The following YEATS2 variants were observed in gnomAD, a reference collection of about 807,000 sequenced individuals.
The protein encoded by YEATS2 is YEATS domain containing 2.
In YEATS2, 77 loss-of-function variants were observed where a neutral mutation model predicts 163.2. That is an observed-to-expected ratio of 0.47 (90% CI 0.39 to 0.57). The LOEUF (loss-of-function observed/expected upper bound fraction) is 0.57. Among genes scored for constraint, YEATS2 ranks in the 20% least tolerant of loss-of-function variants. YEATS2 has a pLI of 0.00. For synonymous variants in YEATS2, 631 were observed against 645.1 expected, an observed-to-expected ratio of 0.98 and a Z score of 0.33; for missense variants, 1,549 against 1,729.8, an observed-to-expected ratio of 0.90 and a Z score of 1.85.
intron 4 of YEATS2, among the ~76,000 whole-genome samples, chr3:183,720,832 C>T (rs896672331): frequency 2.6e-5 from 4 of 152,138 alleles, no homozygotes; most frequent in African/African-American, 9.7e-5. Context: ...AGAATCTTTC[C>T]TTGCCTCTTC....
Position 183,722,132 on chromosome 3 carries a change from G to GA in YEATS2, c.535dup (p.Arg179LysfsTer5). On this transcript the variant is annotated frameshift_variant, in exon 5 of 31. Coordinates refer to ENST00000305135, the MANE Select transcript of YEATS2 (RefSeq NM_018023.5). LOFTEE classifies it high-confidence loss of function. The stretch of plus-strand genomic sequence containing the variant: ...GAGCAGAGACCAAGCCGAAATACTG[G>GA]AAGGGTATATAGATGGGTGGATGTG... 1 of 1,613,822 alleles carries GA rather than the reference G, an allele frequency of 6.2e-7. No individual in the cohort carries two copies. The highest frequency in any genetic ancestry group is 8.5e-7 in the Non-Finnish European group (1 of 1,179,958).
In YEATS2 at chr3:183,776,103, A is replaced by G; in HGVS notation, c.2557A>G (p.Ile853Val). ...ISQHLTYTSY[I>V]LKQTPQGTFL... is the part of the protein sequence containing the mutation. ...TCAGCACCTGACTTACACATCTTACATCCTCAAGCAAACTCCCCAGGTCTG... is the reference window on the plus strand; with the variant it reads ...TCAGCACCTGACTTACACATCTTACGTCCTCAAGCAAACTCCCCAGGTCTG... Residue 853 changes from isoleucine (I) to valine (V), a missense_variant, in exon 18 of 31, where the codon ATC becomes GTC. Physicochemically the swap from Ile to Val is conservative, Grantham distance 29 (BLOSUM62 3). Transcript: ENST00000305135. 1 of 1,587,518 alleles carries G rather than the reference A, an allele frequency of 6.3e-7. No individual in the cohort carries two copies. The highest frequency in any genetic ancestry group is 8.6e-7 in the Non-Finnish European group (1 of 1,167,278).
intron 9 of YEATS2, among the ~76,000 whole-genome samples, chr3:183,748,891 G>A (rs375437277): frequency 1.3e-5 from 2 of 151,958 alleles, no homozygotes; most frequent in African/African-American, 4.8e-5. Flanking sequence ...GAGTCACTGC[G>A]CCCAGCCTTG....
At chr3:183,699,641 G>C (rs1043583834) in intron 1 of YEATS2, among the ~76,000 whole-genome samples, 7 of 151,408 alleles carry the variant, frequency 4.6e-5, no homozygotes, top group Non-Finnish European at 1.0e-4. Flanking sequence ...GTGTGGAGAA[G>C]TGAAAAGGGC....
chr3:183,773,720 G>T lies in YEATS2; in HGVS notation c.2294G>T (p.Ser765Ile). 1 of 1,613,580 alleles carries T rather than the reference G, an allele frequency of 6.2e-7. No homozygotes were observed. Among genetic ancestry groups the T allele is most frequent in the Non-Finnish European group, 8.5e-7 (1 of 1,179,836 alleles). Residue 765 changes from serine (S) to isoleucine (I), a missense_variant, in exon 17 of 31, where the codon AGC becomes ATC. Transcript: ENST00000305135. ...ACTAAACTCTACCTAACTACAAACA[G>T]CAAGAACCCTTCAGGAAAAGGAAAA... ...PGTKLYLTTN[S>I]KNPSGKGKLL... is the part of the protein sequence containing the mutation.
At chr3:183,793,131 C>CT in intron 21 of YEATS2, 1 of 1,289,100 alleles carries the variant, frequency 7.8e-7, no homozygotes. Context: ...TACCAGCCAG[C>CT]ATACGGCTGG....
chr3:183,804,132 T>C lies in YEATS2; in HGVS notation c.3728T>C (p.Leu1243Pro). 2 of 1,614,016 alleles carry C rather than the reference T, an allele frequency of 1.2e-6. No individual in the cohort carries two copies. Among genetic ancestry groups the C allele is most frequent in the Non-Finnish European group, 1.7e-6 (2 of 1,179,998 alleles). ...HGYTPPDPES[L>P]RNDGDSIEDV... ...TACACCCCACCGGACCCTGAGAGCC[T>C]GAGGAATGACGGGGACTCCATCGAG... The change falls in exon 27 of 31, where the codon CTG becomes CCG. Residue 1243 changes from leucine to proline, a missense_variant. By Grantham distance (98) the Leu-to-Pro change is moderately conservative. Coordinates refer to ENST00000305135, the MANE Select transcript of YEATS2 (RefSeq NM_018023.5).
chr3:183,750,480 A>G (rs1720047807), intron 9 of YEATS2, among the ~76,000 whole-genome samples: 1 of 152,140 alleles, frequency 6.6e-6, no homozygotes, highest in Non-Finnish European at 1.5e-5. Context: ...TGGTAATTCT[A>G]TTTTTAGAGG....
At chr3:183,729,199 G>A (rs1299230337) in intron 7 of YEATS2, among the ~76,000 whole-genome samples, 1 of 151,802 alleles carries the variant, frequency 6.6e-6, no homozygotes, top group East Asian at 1.9e-4. Flanking sequence ...GTGAACCAGG[G>A]AGGCGGAGCT....
intron 25 of YEATS2, 174 bp from the exon 26 acceptor site, chr3:183,803,082 A>G (rs2289450): frequency 0.027 from 17,452 of 645,048 alleles, 1,067 homozygotes; most frequent in African/African-American, 0.15. Context: ...ACGGCAAGAC[A>G]CCTTCTCTTC....
chr3:183,723,179 GA>G (rs1716717361), intron 5 of YEATS2, among the ~76,000 whole-genome samples: 1 of 152,198 alleles, frequency 6.6e-6, no homozygotes, highest in African/African-American at 2.4e-5. Context: ...GTAGATGGAG[GA>G]AATTTGACAA....
At chr3:183,735,079 T>C (rs1258293900) in intron 7 of YEATS2, among the ~76,000 whole-genome samples, 1 of 152,248 alleles carries the variant, frequency 6.6e-6, no homozygotes, top group Non-Finnish European at 1.5e-5. Context: ...GTGCTGTTTG[T>C]CTGTCTTCTC....
intron 15 of YEATS2, among the ~76,000 whole-genome samples, chr3:183,769,861 A>T (rs1284084124): frequency 6.6e-6 from 1 of 151,680 alleles, no homozygotes; most frequent in African/African-American, 2.4e-5. Flanking sequence ...CATTCCTTGT[A>T]ATTTTAGTAG....
intron 16 of YEATS2, 148 bp downstream of exon 16, chr3:183,772,711 T>A (rs1560296792): frequency 3.9e-6 from 4 of 1,019,720 alleles, no homozygotes; most frequent in South Asian, 1.7e-5. Context: ...TTGTTCTTTT[T>A]TATGGGACAT....
rs902113682 is a variant in YEATS2 at position 183,788,437 on chromosome 3, C to G, written c.2913+2136C>G. On this transcript the variant is annotated intron_variant, in intron 20 of 30. Coordinates refer to ENST00000305135, the MANE Select transcript of YEATS2 (RefSeq NM_018023.5). ...TCTGTGCCTGGCTTATTTCACTTAA[C>G]ATAATGTCCTCCAGTTCTATCCATG... is the stretch of plus-strand genomic sequence containing the variant. Among the ~76,000 whole-genome samples, 4 of 152,186 alleles carry G rather than the reference C, an allele frequency of 2.6e-5. No homozygotes were observed. In the South Asian group the frequency reaches 8.3e-4, roughly 32 times the overall value.
chr3:183,707,358 A>T (rs1442634960), intron 1 of YEATS2, among the ~76,000 whole-genome samples: 5 of 152,112 alleles, frequency 3.3e-5, no homozygotes. Flanking sequence ...GGCTTGCCAT[A>T]ATGATTTTGA....
At chr3:183,809,912 T>C (rs779222961) in intron 30 of YEATS2, 1 of 153,536 alleles carries the variant, frequency 6.5e-6, no homozygotes, top group Non-Finnish European at 1.4e-5. Context: ...TCAGACAACA[T>C]AGGCGTCTTT....
intron 8 of YEATS2, among the ~76,000 whole-genome samples, chr3:183,741,509 T>C (rs1276744640): frequency 1.3e-5 from 2 of 152,046 alleles, no homozygotes; most frequent in African/African-American, 4.8e-5. Context: ...AGGCCAGGCA[T>C]GGTGGCTTAT....
At chr3:183,709,223 AT>A (rs1342029066) in intron 1 of YEATS2, among the ~76,000 whole-genome samples, 1 of 152,072 alleles carries the variant, frequency 6.6e-6, no homozygotes, top group African/African-American at 2.4e-5. Context: ...AGACTTGGTT[AT>A]GTTATTTGAA....
Sources: gnomAD v4.1 joint callset for allele counts (sites outside exome capture counted in the v4.1 genomes callset) on GRCh38, gnomAD v4.1.1 for gene constraint, MANE v1.5 for transcripts, NCBI Gene and HGNC (gene_info 2026-07-23, HGNC 2026-07-21) for gene names.